FLACC1: variants seen among roughly 807,000 people sequenced by gnomAD.
FLACC1 encodes the protein flagellum associated containing coiled-coil domains 1.
A neutral mutation model predicts 62.8 loss-of-function variants in FLACC1; 66 were observed. The ratio of observed to expected loss-of-function variants is 1.05; its 90% CI spans 0.86 to 1.29. The LOEUF is 1.29. Among genes scored for constraint, FLACC1 ranks in the 50% most tolerant of loss-of-function variants. The pLI is 0.00. For synonymous variants in FLACC1, 156 were observed against 161.0 expected, an observed-to-expected ratio of 0.97 and a Z score of 0.24; for missense variants, 452 against 489.1, an observed-to-expected ratio of 0.92 and a Z score of 0.71.
intron 1 of FLACC1, 146 bp from the exon 2 acceptor site, chr2:201,351,597 T>C (rs1000745662): frequency 4.6e-5 from 27 of 585,570 alleles, no homozygotes; most frequent in African/African-American, 4.5e-4. Context: ...TGACTATAGG[T>C]TAACAGCTCA....
chr2:201,330,441 G>A, intron 9 of FLACC1, 29 bp downstream of exon 9: 2 of 1,601,122 alleles, frequency 1.2e-6, no homozygotes, highest in Non-Finnish European at 1.7e-6. Context: ...TCCTTCTCTT[G>A]TAATCCAACA....
At position 201,323,784 on chromosome 2, in the gene FLACC1, C is replaced by CAA. The variant is rs71022362; in HGVS notation, c.675+6684_675+6685dup. Among the ~76,000 whole-genome samples, 47 of 52,764 alleles carry CAA rather than the reference C, an allele frequency of 8.9e-4. 2 individuals carry two copies. The highest frequency in any genetic ancestry group is 3.4e-3 in the African/African-American group (33 of 9,808). 34.6% of individuals were successfully genotyped at this position (52,764 alleles called of 152,430 possible). A position where few individuals can be genotyped will look rare whatever the true frequency, so the allele number is the denominator to read the frequency against. On this transcript the variant is annotated intron_variant, in intron 9 of 14. Coordinates refer to ENST00000392257, the MANE Select transcript of FLACC1 (RefSeq NM_001127391.3). The stretch of plus-strand genomic sequence containing the variant: ...CCTGGGCAACAGAGCCAGACTCTAT[C>CAA]AAAAAAAAAAAAAAAAAAAGTAAGG...
chr2:201,299,321 A>G, intron 11 of FLACC1, 21 bp from the exon 12 acceptor site: 1 of 1,608,178 alleles, frequency 6.2e-7, no homozygotes, highest in Non-Finnish European at 8.5e-7. Context: ...TTTTATTGGG[A>G]AAAGGTTAGC....
In FLACC1 at chr2:201,307,614, T is replaced by C; in HGVS notation, c.784A>G (p.Met262Val). ...ENILLQQKKK[M>V]TKKFEMESGE... ...GACTCCATTTCGAATTTTTTGGTCA[T>C]CTTTTTTTCTGTGGAAGTGACAGGA... The change falls in exon 11 of 15, where the codon ATG (methionine) becomes GTG (valine). Residue 262 changes from methionine (M) to valine (V), a missense_variant. Physicochemically the swap from Met to Val is conservative, Grantham distance 21. Around this residue, in one of 3 missense-constraint regions of FLACC1, gnomAD observed 301 missense variants for 318.4 expected, o/e 0.95. Transcript: ENST00000392257. 1 of 1,612,474 alleles carries C rather than the reference T, an allele frequency of 6.2e-7. No homozygotes were observed. The highest frequency in any genetic ancestry group is 1.7e-4 in the Middle Eastern group (1 of 6,056).
chr2:201,295,091 G>A (rs1267754883), intron 12 of FLACC1, among the ~76,000 whole-genome samples: 1 of 152,130 alleles, frequency 6.6e-6, no homozygotes, highest in Admixed American at 6.6e-5. Context: ...TAATGCTCAA[G>A]GTAATTTATA....
chr2:201,342,537 A>T (rs917518325), intron 6 of FLACC1, 106 bp from the exon 7 acceptor site: 47 of 1,109,178 alleles, frequency 4.2e-5, no homozygotes, highest in Middle Eastern at 2.4e-4. Context: ...CCGCCTTCCA[A>T]TTCATGGGGC....
At chr2:201,292,776 C>T (rs1289536648) in intron 12 of FLACC1, among the ~76,000 whole-genome samples, 1 of 152,090 alleles carries the variant, frequency 6.6e-6, no homozygotes, top group Non-Finnish European at 1.5e-5. Flanking sequence ...TCAGGAAACC[C>T]ACCTTACATG....
intron 12 of FLACC1, among the ~76,000 whole-genome samples, chr2:201,292,698 G>A (rs1368883679): frequency 1.3e-5 from 2 of 152,106 alleles, no homozygotes; most frequent in Non-Finnish European, 2.9e-5. Context: ...ATGTAAATGG[G>A]CTAAATGCTC....
chr2:201,306,246 G>T (rs1261796283), intron 11 of FLACC1, among the ~76,000 whole-genome samples: 1 of 152,088 alleles, frequency 6.6e-6, no homozygotes, highest in Non-Finnish European at 1.5e-5. Context: ...AGAGAGAGAA[G>T]GGGGAGGTGC....
At chr2:201,330,713 A>T (rs1259958117) in intron 8 of FLACC1, 23 bp downstream of exon 8, 1 of 1,610,570 alleles carries the variant, frequency 6.2e-7, no homozygotes, top group South Asian at 1.1e-5. Context: ...ATCCAGGGTC[A>T]TTCTCCCAGG....
chr2:201,351,378 G>A lies in FLACC1; in HGVS notation c.27C>T (p.Cys9=). ...CCAAGTTCCAGGGGTCCCAGCAGGTGCAGTAGATGAGAGGGTTGGGGTACA... is the reference window on the plus strand; with the variant it reads ...CCAAGTTCCAGGGGTCCCAGCAGGTACAGTAGATGAGAGGGTTGGGGTACA... MYPNPLIY[C]TCWDPWNLGP... Residue 9 remains cysteine (C), a synonymous_variant, in exon 2 of 15, where the codon TGC becomes TGT. Transcript: ENST00000392257. The A allele has an allele frequency of 6.2e-7, 1 of 1,614,066 alleles. No homozygotes were observed. The highest frequency in any genetic ancestry group is 8.5e-7 in the Non-Finnish European group (1 of 1,179,992).
chr2:201,363,586 G>C, the FLACC1 span, among the ~76,000 whole-genome samples: 1 of 151,900 alleles, frequency 6.6e-6, no homozygotes, highest in African/African-American at 2.4e-5. Context: ...CATTTTCCTC[G>C]ATCAGCAGTC....
At chr2:201,291,510 C>A (rs1949734498) in intron 12 of FLACC1, among the ~76,000 whole-genome samples, 1 of 152,180 alleles carries the variant, frequency 6.6e-6, no homozygotes, top group Admixed American at 6.5e-5. Context: ...GATATCCACA[C>A]CAAAACCCCA....
Position 201,351,420 on chromosome 2 carries a change from G to A in FLACC1, c.-16C>T, listed in dbSNP as rs1951026776. On this transcript the variant is annotated 5_prime_UTR_variant, in exon 2 of 15. Coordinates refer to ENST00000392257, the MANE Select transcript of FLACC1 (RefSeq NM_001127391.3). ...TGGGGTACATGGCCAAAGGTCAGGG[G>A]GAGTCTTGGCTGCTAGATCAGGAGG... The A allele has an allele frequency of 6.3e-7, 1 of 1,585,782 alleles. No homozygotes were observed. Among genetic ancestry groups the A allele is most frequent in the South Asian group, 1.1e-5 (1 of 90,434 alleles).
chr2:201,343,486 C>T (rs1472248137), intron 6 of FLACC1, among the ~76,000 whole-genome samples: 2 of 152,122 alleles, frequency 1.3e-5, no homozygotes, highest in East Asian at 3.9e-4. Context: ...TAAGCTGGGT[C>T]ACTGTAGGAT....
At chr2:201,350,581 T>A in intron 3 of FLACC1, 130 bp downstream of exon 3, 1 of 744,272 alleles carries the variant, frequency 1.3e-6, no homozygotes, top group Non-Finnish European at 2.2e-6. Context: ...CTCGAGAGGC[T>A]GAGGCAGGAG....
In FLACC1 at chr2:201,309,147, T is replaced by C; in HGVS notation, c.775+4A>G. 6.2e-7 allele frequency: 1 copy of C among 1,611,614 alleles called. No homozygotes were observed. Among genetic ancestry groups the C allele is most frequent in the Non-Finnish European group, 8.5e-7 (1 of 1,177,742 alleles). ...ATCAAAAAAGCTAGAGTTTCTGTAC[T>C]CACTTTGCTGTAGCAGGATATTTTC... is the stretch of plus-strand genomic sequence containing the variant. On this transcript the variant is annotated splice_donor_region_variant and intron_variant, in intron 10 of 14. Transcript: ENST00000392257.
chr2:201,345,689 A>G (rs1950899212), intron 5 of FLACC1, among the ~76,000 whole-genome samples: 1 of 152,126 alleles, frequency 6.6e-6, no homozygotes, highest in Admixed American at 6.5e-5. Flanking sequence ...AGATGTAGAG[A>G]TGAATCTGCA....
Position 201,326,677 on chromosome 2 carries a change from A to G in FLACC1, c.675+3793T>C, listed in dbSNP as rs1950506360. On this transcript the variant is annotated intron_variant, in intron 9 of 14. Transcript: ENST00000392257. This position sits in a 1 kb window ranked among gnomAD's most constrained non-coding sequence, Gnocchi z 4.1. ...CTGAAAGAAGTAATAGGTTATACAA[A>G]CAAATGGAAATGCATTCTATGCTCA... is the stretch of plus-strand genomic sequence containing the variant. Among the ~76,000 whole-genome samples, 1 of 152,234 alleles carries G rather than the reference A, an allele frequency of 6.6e-6. No homozygotes were observed. Among genetic ancestry groups the G allele is most frequent in the African/African-American group, 2.4e-5 (1 of 41,462 alleles).
Sources: gnomAD v4.1 joint callset for allele counts (sites outside exome capture counted in the v4.1 genomes callset) on GRCh38, gnomAD v4.1.1 for gene constraint, gnomAD v4.1.1 regional missense constraint, Gnocchi (gnomAD v3.1) non-coding constraint, MANE v1.5 for transcripts, NCBI Gene and HGNC (gene_info 2026-07-23, HGNC 2026-07-21) for gene names.